WHR1: variants seen among roughly 807,000 people sequenced by gnomAD.
WHR1 encodes MHC class III HLA-RP1.
At chr6:31,976,426 C>CT in the WHR1 span, among the ~76,000 whole-genome samples, 1 of 151,244 alleles carries the variant, frequency 6.6e-6, no homozygotes, top group South Asian at 2.1e-4. Context: ...CGGGCAGAGG[C>CT]GCTCCTCACA....
the WHR1 span, chr6:31,981,063 C>G: frequency 4.3e-6 from 2 of 466,022 alleles, no homozygotes; most frequent in Middle Eastern, 5.0e-4. Flanking sequence ...TTCTGCTCAT[C>G]ATTGCTCAGC....
At chr6:31,977,338 A>ATT in the WHR1 span, among the ~76,000 whole-genome samples, 109 of 127,410 alleles carry the variant, frequency 8.6e-4, no homozygotes, top group Non-Finnish European at 1.2e-3. Flanking sequence ...CGCCCAGCTA[A>ATT]TTTTTTTTTT....
At chr6:31,972,227 C>G in the WHR1 span, 1 of 1,612,782 alleles carries the variant, frequency 6.2e-7, no homozygotes, top group East Asian at 2.2e-5. This position sits in a 1 kb window ranked among gnomAD's most constrained non-coding sequence, Gnocchi z 6.3. Context: ...GTATGTGCGT[C>G]GCCACCGCCC....
chr6:31,972,936 C>A, the WHR1 span: 1 of 1,054,680 alleles, frequency 9.5e-7, no homozygotes, highest in Non-Finnish European at 1.4e-6. The surrounding 1 kb of genome is among the most constrained non-coding windows in gnomAD (Gnocchi z 6.3). Flanking sequence ...CAGGGCATTT[C>A]AAATCATGGA....
chr6:31,977,338 A>ATTTTTTTTT, the WHR1 span, among the ~76,000 whole-genome samples: 1 of 127,432 alleles, frequency 7.8e-6, no homozygotes. Context: ...CGCCCAGCTA[A>ATTTTTTTTT]TTTTTTTTTT....
the WHR1 span, chr6:31,979,044 T>TG: frequency 1.9e-6 from 3 of 1,584,008 alleles, no homozygotes; most frequent in South Asian, 3.3e-5. Context: ...GGGCACAGGT[T>TG]GGGGGAGACA....
At chr6:31,981,088 C>T in the WHR1 span, 98 of 426,078 alleles carry the variant, frequency 2.3e-4, no homozygotes, top group Non-Finnish European at 3.4e-4. Flanking sequence ...CAGAGTGGGC[C>T]GGGAGGGGAC....
At chr6:31,972,153 G>A in the WHR1 span, 3 of 1,612,870 alleles carry the variant, frequency 1.9e-6, no homozygotes, top group Non-Finnish European at 2.5e-6. This position sits in a 1 kb window ranked among gnomAD's most constrained non-coding sequence, Gnocchi z 6.3. Context: ...CCCCGGGCGT[G>A]CGTGCCCTTG....
the WHR1 span, chr6:31,972,201 G>C: frequency 6.2e-7 from 1 of 1,612,224 alleles, no homozygotes; most frequent in Non-Finnish European, 8.5e-7. This position sits in a 1 kb window ranked among gnomAD's most constrained non-coding sequence, Gnocchi z 6.3. Context: ...GGCCCGGCCT[G>C]GCGGAGGTGA....
At chr6:31,979,526 C>A in the WHR1 span, 2 of 1,612,954 alleles carry the variant, frequency 1.2e-6, no homozygotes, top group Non-Finnish European at 1.7e-6. Flanking sequence ...ATGACACAGA[C>A]CTTTGGCTTC....
the WHR1 span, chr6:31,979,553 C>T: frequency 2.5e-6 from 4 of 1,612,848 alleles, no homozygotes; most frequent in Middle Eastern, 1.7e-4. Context: ...TCAGAAATCA[C>T]GTGAGACTTG....
chr6:31,977,030 C>T, the WHR1 span, among the ~76,000 whole-genome samples: 3 of 152,176 alleles, frequency 2.0e-5, no homozygotes, highest in Non-Finnish European at 4.4e-5. Flanking sequence ...AGAGGGAGAC[C>T]GTGGAAAGGA....
chr6:31,971,193 T>C, the WHR1 span: 2 of 1,591,734 alleles, frequency 1.3e-6, no homozygotes, highest in Middle Eastern at 1.7e-4. This position sits in a 1 kb window ranked among gnomAD's most constrained non-coding sequence, Gnocchi z 4.5. Flanking sequence ...CAAGCATTAG[T>C]GAGATGCTCC....
the WHR1 span, among the ~76,000 whole-genome samples, chr6:31,975,846 G>C: frequency 2.0e-5 from 3 of 151,784 alleles, no homozygotes; most frequent in Non-Finnish European, 2.9e-5. Context: ...TCACTTCCCA[G>C]CAGGGGCGGC....
the WHR1 span, chr6:31,978,851 A>G: frequency 6.4e-7 from 1 of 1,569,060 alleles, no homozygotes; most frequent in Non-Finnish European, 8.8e-7. Flanking sequence ...AGAGTATAGC[A>G]GAGCATCTTA....
the WHR1 span, among the ~76,000 whole-genome samples, chr6:31,974,877 C>A: frequency 3.0e-4 from 45 of 152,222 alleles, no homozygotes; most frequent in African/African-American, 1.1e-3. Flanking sequence ...GGCAGTCTAG[C>A]ACTCACTTGA....
the WHR1 span, chr6:31,972,216 G>C: frequency 6.2e-7 from 1 of 1,612,828 alleles, no homozygotes. This position sits in a 1 kb window ranked among gnomAD's most constrained non-coding sequence, Gnocchi z 6.3. Context: ...AGGTGATGCT[G>C]GTATGTGCGT....
chr6:31,979,000 T>C, the WHR1 span: 1 of 1,611,232 alleles, frequency 6.2e-7, no homozygotes, highest in Admixed American at 1.7e-5. Flanking sequence ...AGGACCAGAG[T>C]ATGTGACTGT....
chr6:31,971,791 A>G, the WHR1 span: 1 of 1,340,568 alleles, frequency 7.5e-7, no homozygotes, highest in Non-Finnish European at 9.9e-7. This position sits in a 1 kb window ranked among gnomAD's most constrained non-coding sequence, Gnocchi z 4.5. Context: ...GCCTTGAAAC[A>G]TTCAGGCCCC....
Sources: gnomAD v4.1 joint callset for allele counts (sites outside exome capture counted in the v4.1 genomes callset) on GRCh38, gnomAD v4.1.1 for gene constraint, Gnocchi (gnomAD v3.1) non-coding constraint, MANE v1.5 for transcripts, NCBI Gene and HGNC (gene_info 2026-07-23, HGNC 2026-07-21) for gene names.